The following DOCK1 variants were observed in gnomAD, a reference collection of about 807,000 sequenced individuals.
The protein encoded by DOCK1 is dedicator of cytokinesis 1.
In DOCK1, 138 loss-of-function variants were observed where a neutral mutation model predicts 262.7. The observed-to-expected ratio is 0.53, with a 90% CI of 0.46 to 0.61. The LOEUF (loss-of-function observed/expected upper bound fraction) is 0.61. Among genes scored for constraint, DOCK1 ranks in the 20% least tolerant of loss-of-function variants. The pLI, the probability that DOCK1 is intolerant of heterozygous loss-of-function variation, is 0.00. For synonymous variants in DOCK1, 866 were observed against 867.4 expected, an observed-to-expected ratio of 1.00 and a Z score of 0.03; for missense variants, 1,908 against 2,370.7, an observed-to-expected ratio of 0.80 and a Z score of 4.05.
intron 29 of DOCK1, among the ~76,000 whole-genome samples, chr10:127,336,442 C>T (rs570896422): frequency 1.3e-5 from 2 of 152,134 alleles, no homozygotes; most frequent in South Asian, 4.2e-4. Flanking sequence ...ATCTGAATTA[C>T]AGAATCTACC....
At chr10:127,257,572 C>G in intron 29 of DOCK1, 143 bp downstream of exon 29, 1 of 642,068 alleles carries the variant, frequency 1.6e-6, no homozygotes, top group South Asian at 2.5e-5. Context: ...GCAGACAGTT[C>G]TAGGGAGACA....
chr10:127,436,045 T>C (rs535208843), intron 48 of DOCK1, among the ~76,000 whole-genome samples: 1 of 152,352 alleles, frequency 6.6e-6, no homozygotes, highest in African/African-American at 2.4e-5. Flanking sequence ...AAACCTAGAA[T>C]AAAATCATGA....
At chr10:127,309,606 T>C (rs1296612036) in intron 29 of DOCK1, among the ~76,000 whole-genome samples, 1 of 152,174 alleles carries the variant, frequency 6.6e-6, no homozygotes, top group Non-Finnish European at 1.5e-5. Context: ...CATCTTGAGT[T>C]AATTTTTGTA....
At chr10:127,184,430 T>C (rs534871136) in intron 27 of DOCK1, among the ~76,000 whole-genome samples, 41 of 151,254 alleles carry the variant, frequency 2.7e-4, no homozygotes, top group Non-Finnish European at 5.7e-4. Flanking sequence ...GTTCCCACCC[T>C]GATCTTGGCC....
chr10:127,317,765 C>T (rs1395445976), intron 29 of DOCK1, among the ~76,000 whole-genome samples: 4 of 152,158 alleles, frequency 2.6e-5, no homozygotes, highest in African/African-American at 9.7e-5. Context: ...GGTGTGCCTG[C>T]ATGTTCTGTG....
At chr10:127,429,558 G>A (rs1001016757) in intron 47 of DOCK1, among the ~76,000 whole-genome samples, 3 of 152,220 alleles carry the variant, frequency 2.0e-5, no homozygotes, top group Non-Finnish European at 4.4e-5. Context: ...TTTTGTCAGT[G>A]TTTCTGAGCC....
chr10:127,098,046 T>C (rs992830953), intron 23 of DOCK1, among the ~76,000 whole-genome samples: 1 of 152,198 alleles, frequency 6.6e-6, no homozygotes, highest in Non-Finnish European at 1.5e-5. Context: ...AACTGATTAG[T>C]GATTATCCCG....
chr10:127,412,064 G>A (rs866564217), intron 43 of DOCK1, among the ~76,000 whole-genome samples: 7 of 151,784 alleles, frequency 4.6e-5, no homozygotes, highest in East Asian at 2.0e-4. Flanking sequence ...CCAGGTTCAC[G>A]CCATTCTCCT....
chr10:127,219,489 A>G (rs1046758688), intron 27 of DOCK1, among the ~76,000 whole-genome samples: 1 of 152,194 alleles, frequency 6.6e-6, no homozygotes, highest in Non-Finnish European at 1.5e-5. Context: ...GTGGTAAAAT[A>G]TATATCACAT....
At chr10:127,407,524 G>C (rs992154828) in intron 40 of DOCK1, among the ~76,000 whole-genome samples, 2 of 152,296 alleles carry the variant, frequency 1.3e-5, no homozygotes, top group African/African-American at 4.8e-5. Flanking sequence ...GACCACAGCA[G>C]GGATCAATTG....
chr10:127,434,174 T>C (rs138778523), intron 48 of DOCK1, among the ~76,000 whole-genome samples: 1 of 152,046 alleles, frequency 6.6e-6, no homozygotes, highest in African/African-American at 2.4e-5. Flanking sequence ...TTTCCTCCCT[T>C]CCTCATTTTT....
chr10:127,111,694 T>C (rs952876150), intron 25 of DOCK1, among the ~76,000 whole-genome samples: 1 of 152,122 alleles, frequency 6.6e-6, no homozygotes, highest in Non-Finnish European at 1.5e-5. Flanking sequence ...AAATTTTATA[T>C]CTGGGTCTTA....
chr10:127,414,718 AC>A (rs199621708), intron 43 of DOCK1, among the ~76,000 whole-genome samples: 13,888 of 152,324 alleles, frequency 0.091, 784 homozygotes, highest in East Asian at 0.2. Flanking sequence ...ATCAGAGGTC[AC>A]TTTGATTAAA....
chr10:127,175,842 T>C lies in DOCK1; in HGVS notation c.2847+48078T>C. On this transcript the variant is annotated intron_variant, in intron 27 of 51. Transcript: ENST00000623213. This position sits in a 1 kb window ranked among gnomAD's most constrained non-coding sequence, Gnocchi z 6.3. Reference sequence around the variant, plus strand: ...TGTGCAGTTGACCCCCAAAGGCTGGTCCACTGTGTTCATGTGTTGGTTGGA... The same window carrying C: ...TGTGCAGTTGACCCCCAAAGGCTGGCCCACTGTGTTCATGTGTTGGTTGGA... 6.2e-7 allele frequency: 1 copy of C among 1,614,110 alleles called. No individual in the cohort carries two copies. The highest frequency in any genetic ancestry group is 2.2e-5 in the East Asian group (1 of 44,852).
At chr10:127,289,725 C>T (rs1337851769) in intron 29 of DOCK1, among the ~76,000 whole-genome samples, 1 of 152,084 alleles carries the variant, frequency 6.6e-6, no homozygotes, top group African/African-American at 2.4e-5. Context: ...TGTTTCTATA[C>T]TGCTTAGAGT....
At chr10:127,294,316 G>GTTTTGTT (rs919398333) in intron 29 of DOCK1, among the ~76,000 whole-genome samples, 4 of 151,506 alleles carry the variant, frequency 2.6e-5, no homozygotes, top group African/African-American at 7.3e-5. Context: ...GTTTTGTTTT[G>GTTTTGTT]TTTTGTTTTT....
At chr10:127,159,107 A>G (rs755780239) in intron 27 of DOCK1, among the ~76,000 whole-genome samples, 5 of 152,222 alleles carry the variant, frequency 3.3e-5, no homozygotes, top group Non-Finnish European at 5.9e-5. Flanking sequence ...GCGACAGTGC[A>G]TGAAAGAGAA....
intron 47 of DOCK1, among the ~76,000 whole-genome samples, chr10:127,431,554 A>G (rs1425430038): frequency 1.3e-5 from 2 of 152,228 alleles, no homozygotes; most frequent in Non-Finnish European, 2.9e-5. Flanking sequence ...GAGTAATTAC[A>G]GTGAACATCT....
intron 27 of DOCK1, among the ~76,000 whole-genome samples, chr10:127,221,217 C>T (rs1695038083): frequency 6.6e-6 from 1 of 152,032 alleles, no homozygotes; most frequent in African/African-American, 2.4e-5. Context: ...TGGAAGAAAT[C>T]GTAAAAATGG....
Sources: allele counts gnomAD v4.1 joint callset (sites outside exome capture counted in the v4.1 genomes callset), GRCh38; gene constraint gnomAD v4.1.1; non-coding constraint Gnocchi (gnomAD v3.1); transcripts MANE v1.5; gene names NCBI Gene and HGNC (gene_info 2026-07-23, HGNC 2026-07-21).